The following DOCK5 variants were observed in gnomAD, a reference collection of about 807,000 sequenced individuals.
DOCK5 encodes dedicator of cytokinesis protein 5.
Under a neutral mutation model 251.8 loss-of-function variants are expected in DOCK5, and 142 were observed. The observed-to-expected ratio is 0.56, with a 90% CI of 0.49 to 0.65. The LOEUF (loss-of-function observed/expected upper bound fraction) is 0.65. DOCK5 is among the 30% of genes least tolerant of loss of function. The probability of loss-of-function intolerance (pLI) is 0.00; values close to 1 mark genes in which losing one functional copy is unlikely to be tolerated. For synonymous variants in DOCK5, 842 were observed against 835.5 expected (o/e 1.01, Z -0.13); for missense variants, 2,111 against 2,312.3 (o/e 0.91, Z 1.79).
At chr8:25,321,245 A>G (rs1457532313) in intron 16 of DOCK5, among the ~76,000 whole-genome samples, 193 bp downstream of exon 16, 2 of 152,212 alleles carry the variant, frequency 1.3e-5, no homozygotes, top group Non-Finnish European at 2.9e-5. Context: ...TTGTCACTCT[A>G]TATTAGGATT....
At chr8:25,377,213 T>C in intron 37 of DOCK5, 92 bp from the exon 38 acceptor site, 1 of 1,428,944 alleles carries the variant, frequency 7.0e-7, no homozygotes, top group Non-Finnish European at 9.2e-7. Context: ...AAATACAAAA[T>C]CAATGAGTCA....
intron 45 of DOCK5, among the ~76,000 whole-genome samples, chr8:25,396,580 A>C (rs1222403728): frequency 6.6e-6 from 1 of 152,220 alleles, no homozygotes; most frequent in Non-Finnish European, 1.5e-5. Flanking sequence ...TAATTAATGG[A>C]GGCAGAATTT....
intron 11 of DOCK5, 100 bp from the exon 12 acceptor site, chr8:25,308,683 T>C: frequency 7.7e-7 from 1 of 1,302,794 alleles, no homozygotes; most frequent in Non-Finnish European, 1.1e-6. Context: ...AGTGTTGATA[T>C]CTCCAAATTA....
intron 1 of DOCK5, among the ~76,000 whole-genome samples, chr8:25,229,172 C>T (rs528767950): frequency 2.4e-4 from 36 of 152,142 alleles, no homozygotes; most frequent in Middle Eastern, 3.4e-3. Context: ...GCCACACATA[C>T]GTTTCTTGAC....
intron 1 of DOCK5, among the ~76,000 whole-genome samples, chr8:25,226,258 CTTTTTTTTTTT>C (rs1179597860): frequency 3.4e-5 from 4 of 116,946 alleles, no homozygotes; most frequent in African/African-American, 7.5e-5. Flanking sequence ...GTATAGGCTG[CTTTTTTTTTTT>C]TTTTTTTTTT....
rs1319856947 is a variant in DOCK5 at position 25,408,004 on chromosome 8, G to A, written c.5115G>A (p.Leu1705=). The change falls in exon 49 of 52, where the codon TTG becomes TTA. Residue 1705 remains leucine (L), a synonymous_variant. Coordinates refer to ENST00000276440, the MANE Select transcript of DOCK5 (RefSeq NM_024940.8). ...ATAGCTCAATCTTGGAGCCACTTTT[G>A]GAGCGCAGGGCCTCGTCAGGTGCCA... The part of the protein sequence containing the change: ...GSDGSILEPL[L]ERRASSGARV... 6 of 1,612,504 alleles carry A rather than the reference G, an allele frequency of 3.7e-6. No individual in the cohort carries two copies. Among genetic ancestry groups the A allele is most frequent in the Non-Finnish European group, 2.5e-6 (3 of 1,179,384 alleles).
intron 27 of DOCK5, among the ~76,000 whole-genome samples, chr8:25,352,220 GAAA>G (rs796559970): frequency 2.5e-4 from 4 of 15,738 alleles, no homozygotes; most frequent in Non-Finnish European, 2.5e-4. Flanking sequence ...CTTTGAAAAA[GAAA>G]AAAAAAAAAA....
At chr8:25,275,512 G>A (rs968183186) in intron 4 of DOCK5, 71 bp downstream of exon 4, 6 of 1,434,604 alleles carry the variant, frequency 4.2e-6, no homozygotes, top group African/African-American at 1.4e-5. Flanking sequence ...ATAATCTTTA[G>A]GCATTAATGC....
intron 1 of DOCK5, among the ~76,000 whole-genome samples, chr8:25,223,668 C>T (rs540509152): frequency 2.0e-5 from 3 of 152,066 alleles, no homozygotes; most frequent in Non-Finnish European, 1.5e-5. Context: ...GAAATAAGAG[C>T]GAGTGATAAG....
chr8:25,238,431 AC>A (rs1451355295), intron 1 of DOCK5, among the ~76,000 whole-genome samples: 1 of 152,260 alleles, frequency 6.6e-6, no homozygotes, highest in Non-Finnish European at 1.5e-5. Context: ...TGGAGGGCAT[AC>A]TACCAAACCC....
chr8:25,245,800 C>T lies in DOCK5; in HGVS notation c.127+2043C>T, dbSNP rs145893608. Among the ~76,000 whole-genome samples the T allele has an allele frequency of 2.8e-3, 425 of 152,112 alleles. 1 individual carries two copies. Among genetic ancestry groups the T allele is most frequent in the South Asian group, 7.9e-3 (38 of 4,816 alleles). On this transcript the variant is annotated intron_variant, in intron 2 of 51. Transcript: ENST00000276440. ...GGTGATAGCCCCATCTTGGCCTCCC[C>T]AAGTACTGGAATTACAGGTGTGAGC... is the stretch of plus-strand genomic sequence containing the variant.
chr8:25,334,393 G>A (rs190940352), intron 21 of DOCK5, among the ~76,000 whole-genome samples, 197 bp downstream of exon 21: 3 of 152,204 alleles, frequency 2.0e-5, no homozygotes, highest in East Asian at 1.9e-4. Flanking sequence ...CTAAGATCAG[G>A]GCCTTCATTC....
intron 1 of DOCK5, among the ~76,000 whole-genome samples, chr8:25,196,856 C>T (rs575018016): frequency 2.1e-4 from 32 of 152,170 alleles, no homozygotes; most frequent in African/African-American, 7.7e-4. Context: ...TGAGTTGTAG[C>T]GGAATTGAAC....
intron 2 of DOCK5, among the ~76,000 whole-genome samples, chr8:25,253,427 C>T (rs1352142324): frequency 1.3e-5 from 2 of 152,172 alleles, no homozygotes; most frequent in African/African-American, 4.8e-5. Flanking sequence ...CCTTCCATCC[C>T]ATGCACACAC....
In DOCK5 at chr8:25,358,977, T is replaced by G; in HGVS notation, c.2865T>G (p.Ala955=). The G allele has an allele frequency of 6.2e-7, 1 of 1,613,992 alleles. No individual in the cohort carries two copies. The highest frequency in any genetic ancestry group is 8.5e-7 in the Non-Finnish European group (1 of 1,179,850). ...TTTCCTTCCAGGGGAGTTTTGTGGCTTGCATGATTGCCCTGCTGCAGCAAA... is the reference window on the plus strand; with the variant it reads ...TTTCCTTCCAGGGGAGTTTTGTGGCGTGCATGATTGCCCTGCTGCAGCAAA... ...RQSPHIGSFV[A]CMIALLQQMD... Residue 955 remains alanine (A), a synonymous_variant, in exon 28 of 52, where the codon GCT becomes GCG. Transcript: ENST00000276440.
chr8:25,407,958 G>C, intron 48 of DOCK5, 25 bp from the exon 49 acceptor site: 1 of 1,601,310 alleles, frequency 6.2e-7, no homozygotes. Flanking sequence ...TATTTGTGAT[G>C]TTTGTCCTTG....
intron 1 of DOCK5, among the ~76,000 whole-genome samples, chr8:25,225,657 G>C (rs1252352520): frequency 6.7e-6 from 1 of 149,932 alleles, no homozygotes; most frequent in Non-Finnish European, 1.5e-5. Context: ...AGTGAGCCGA[G>C]ATCTCGTCAC....
At chr8:25,227,762 A>G (rs1332970423) in intron 1 of DOCK5, among the ~76,000 whole-genome samples, 1 of 152,226 alleles carries the variant, frequency 6.6e-6, no homozygotes, top group Non-Finnish European at 1.5e-5. Flanking sequence ...GAATAAAGAT[A>G]TATCCTCATC....
chr8:25,366,742 T>G lies in DOCK5; in HGVS notation c.3124-128T>G, dbSNP rs555957895. 13 of 637,644 alleles carry G rather than the reference T, an allele frequency of 2.0e-5. No individual in the cohort carries two copies. The South Asian group carries it at 2.4e-4, about 12-fold the overall frequency. 39.5% of individuals were successfully genotyped at this position (637,644 alleles called of 1,614,324 possible). ...TTGAATAATCAAAACCTAAGAAGAA[T>G]GTAGATTGTATTTTGTTCTTTCATT... On this transcript the variant is annotated intron_variant, in intron 30 of 51. Transcript: ENST00000276440.
Sources: gnomAD v4.1 joint callset for allele counts (sites outside exome capture counted in the v4.1 genomes callset) on GRCh38, gnomAD v4.1.1 for gene constraint, MANE v1.5 for transcripts, NCBI Gene and HGNC (gene_info 2026-07-23, HGNC 2026-07-21) for gene names.